SOS1: variants seen among roughly 807,000 people sequenced by gnomAD.
SOS1 encodes the protein son of sevenless homolog 1.
A neutral mutation model predicts 157.6 loss-of-function variants in SOS1; 25 were observed. That is an observed-to-expected ratio of 0.16 (90% confidence interval 0.12 to 0.22). The LOEUF (loss-of-function observed/expected upper bound fraction) is 0.22. SOS1 is among the 10% of genes least tolerant of loss of function. SOS1 has a pLI of 1.00. For synonymous variants in SOS1, 528 were observed against 534.0 expected, an observed-to-expected ratio of 0.99 and a Z score of 0.16; for missense variants, 1,237 against 1,599.1, an observed-to-expected ratio of 0.77 and a Z score of 3.86.
intron 1 of SOS1, among the ~76,000 whole-genome samples, chr2:39,100,345 A>G (rs527682919): frequency 7.9e-5 from 12 of 152,342 alleles, no homozygotes; most frequent in African/African-American, 2.4e-4. Flanking sequence ...CCTGGTAGAG[A>G]TATCTGTGCT....
At chr2:39,044,462 A>G (rs1178945836) in intron 6 of SOS1, among the ~76,000 whole-genome samples, 4 of 152,106 alleles carry the variant, frequency 2.6e-5, no homozygotes, top group Non-Finnish European at 5.9e-5. Context: ...TGAAAGCTTA[A>G]CTCATTCATT....
intron 8 of SOS1, among the ~76,000 whole-genome samples, chr2:39,029,674 T>A (rs1364417574): frequency 6.6e-6 from 1 of 151,920 alleles, no homozygotes; most frequent in Non-Finnish European, 1.5e-5. Flanking sequence ...AACCAAAAAA[T>A]TAAATTAAAA....
chr2:39,002,322 T>C (rs1669130419), intron 17 of SOS1, among the ~76,000 whole-genome samples: 2 of 149,350 alleles, frequency 1.3e-5, no homozygotes, highest in Non-Finnish European at 3.0e-5. Flanking sequence ...TGAAACTGTC[T>C]TAAAAAAAAA....
chr2:39,035,627 T>C, intron 6 of SOS1, 127 bp from the exon 7 acceptor site: 1 of 687,716 alleles, frequency 1.5e-6, no homozygotes, highest in Non-Finnish European at 2.6e-6. Flanking sequence ...AAAAATTATA[T>C]GACTACTAAT....
chr2:39,068,640 G>A (rs886626532), intron 1 of SOS1, among the ~76,000 whole-genome samples: 40 of 151,784 alleles, frequency 2.6e-4, no homozygotes, highest in Non-Finnish European at 1.0e-4. Flanking sequence ...TATACTTCAG[G>A]AATATTGGTG....
At chr2:39,061,213 C>A (rs1572862506) in intron 2 of SOS1, among the ~76,000 whole-genome samples, 1 of 121,534 alleles carries the variant, frequency 8.2e-6, no homozygotes, top group East Asian at 2.4e-4. Context: ...GAGACAATGT[C>A]AAGGGTCAAA....
intron 8 of SOS1, among the ~76,000 whole-genome samples, chr2:39,028,566 A>G (rs986214783): frequency 3.3e-5 from 5 of 152,214 alleles, no homozygotes; most frequent in African/African-American, 1.2e-4. Flanking sequence ...GAAGGCACTA[A>G]CAGGCAGGTA....
rs138798556 is a variant in SOS1, at chr2:38,983,353, A to T, written c.*2471T>A. On this transcript the variant is annotated 3_prime_UTR_variant, in exon 23 of 23. Transcript: ENST00000402219. ...CTCCACCTAAGGGCATCCAATTGGC[A>T]TTTTTCTAATCAGTTACCACTGCAG... is the stretch of plus-strand genomic sequence containing the variant. The T allele has an allele frequency of 3.3e-4, 50 of 152,302 alleles. 1 individual carries two copies. Among genetic ancestry groups the T allele is most frequent in the African/African-American group, 1.1e-3 (45 of 41,568 alleles). The allele number at this position is 152,302 out of a possible 1,614,324, so 9.4% of individuals were successfully genotyped here. A position where few individuals can be genotyped will look rare whatever the true frequency, so the allele number is the denominator to read the frequency against.
At chr2:39,092,560 CTTTGTCTGTTTA>C (rs1038990745) in intron 1 of SOS1, among the ~76,000 whole-genome samples, 21 of 152,168 alleles carry the variant, frequency 1.4e-4, no homozygotes, top group African/African-American at 5.1e-4. Context: ...TACAGTATTT[CTTTGTCTGTTTA>C]TTTGTCTGCT....
chr2:39,010,949 A>T (rs904791472), intron 14 of SOS1, among the ~76,000 whole-genome samples: 6 of 140,818 alleles, frequency 4.3e-5, no homozygotes, highest in Admixed American at 3.1e-4. Context: ...AGGCTGGAGT[A>T]CAATGGCATG....
At chr2:39,118,736 T>C (rs1290883161) in intron 1 of SOS1, among the ~76,000 whole-genome samples, 1 of 152,222 alleles carries the variant, frequency 6.6e-6, no homozygotes, top group Non-Finnish European at 1.5e-5. Flanking sequence ...ATTCAGGTTT[T>C]ATGTAATATC....
At chr2:39,106,651 T>C (rs1049119250) in intron 1 of SOS1, among the ~76,000 whole-genome samples, 3 of 143,636 alleles carry the variant, frequency 2.1e-5, no homozygotes, top group African/African-American at 5.7e-5. Flanking sequence ...TAAAACCAAA[T>C]CTTTAAATTA....
chr2:39,110,533 G>A lies in SOS1; in HGVS notation c.87+9803C>T, dbSNP rs74739754. Among the ~76,000 whole-genome samples, 79 of 151,402 alleles carry A rather than the reference G, an allele frequency of 5.2e-4. 1 individual carries two copies. The East Asian group carries it at 0.013, about 24-fold the overall frequency. On this transcript the variant is annotated intron_variant, in intron 1 of 22. Transcript: ENST00000402219. ...GGCATACTGCCTATGGCACAGCCCT[G>A]CTCTGCAAGGAGCAATAAAAAAAAA...
rs571814783 is a variant in SOS1 at position 39,068,895 on chromosome 2, G to T, written c.88-1142C>A. On this transcript the variant is annotated intron_variant, in intron 1 of 22. Coordinates refer to ENST00000402219, the MANE Select transcript of SOS1 (RefSeq NM_005633.4). Reference sequence around the variant, plus strand: ...CAGTTCCAGGAGAGAAACAATACATGTTCCAAAACATGCTCAACTCTCCAA... The same window carrying T: ...CAGTTCCAGGAGAGAAACAATACATTTTCCAAAACATGCTCAACTCTCCAA... 2.6e-5 allele frequency among the ~76,000 whole-genome samples: 4 copies of T among 152,092 alleles called. No homozygotes were observed. In the South Asian group the frequency reaches 8.3e-4, roughly 32 times the overall value.
chr2:39,069,750 G>A (rs985394262), intron 1 of SOS1, among the ~76,000 whole-genome samples: 1 of 152,092 alleles, frequency 6.6e-6, no homozygotes, highest in Non-Finnish European at 1.5e-5. Context: ...GTTTCACCAC[G>A]TTGGCCAGGC....
At chr2:39,015,529 C>T (rs1186859225) in intron 10 of SOS1, among the ~76,000 whole-genome samples, 2 of 151,842 alleles carry the variant, frequency 1.3e-5, no homozygotes, top group Non-Finnish European at 2.9e-5. Flanking sequence ...TAGGAGTCTC[C>T]AATCCCTTCC....
intron 1 of SOS1, among the ~76,000 whole-genome samples, chr2:39,107,493 G>T (rs988693750): frequency 6.6e-6 from 1 of 151,750 alleles, no homozygotes; most frequent in Non-Finnish European, 1.5e-5. Context: ...TTAACTTGGA[G>T]TCAGACTTTC....
chr2:39,121,441 C>T (rs1226488933), upstream of SOS1, among the ~76,000 whole-genome samples: 1 of 152,212 alleles, frequency 6.6e-6, no homozygotes, highest in Non-Finnish European at 1.5e-5. Flanking sequence ...TGCTCTGTCA[C>T]GAAACCTACT....
chr2:39,100,877 C>G (rs1385774844), intron 1 of SOS1, among the ~76,000 whole-genome samples: 1 of 152,140 alleles, frequency 6.6e-6, no homozygotes, highest in Admixed American at 6.6e-5. Flanking sequence ...CGAGACTGCA[C>G]CACTGCACTC....
Sources: gnomAD v4.1 joint callset for allele counts (sites outside exome capture counted in the v4.1 genomes callset) on GRCh38, gnomAD v4.1.1 for gene constraint, MANE v1.5 for transcripts, NCBI Gene and HGNC (gene_info 2026-07-23, HGNC 2026-07-21) for gene names.